The following GPC6 variants were observed in gnomAD, a reference collection of about 807,000 sequenced individuals.
GPC6 encodes glypican-6.
GPC6 carries 14 observed loss-of-function variants against 55.2 expected under a neutral mutation model. The ratio of observed to expected loss-of-function variants is 0.25; its 90% CI spans 0.17 to 0.40. The LOEUF is 0.40. Among genes scored for constraint, GPC6 ranks in the 10% least tolerant of loss-of-function variants. The probability of loss-of-function intolerance (pLI) is 1.00; values close to 1 mark genes in which losing one functional copy is unlikely to be tolerated. For missense variants in GPC6, 641 were observed against 708.5 expected, an observed-to-expected ratio of 0.90 and a Z score of 1.08; for synonymous variants, 278 against 259.6, an observed-to-expected ratio of 1.07 and a Z score of -0.68.
intron 2 of GPC6, among the ~76,000 whole-genome samples, chr13:93,722,041 A>G (rs1043377509): frequency 2.6e-5 from 4 of 151,974 alleles, no homozygotes; most frequent in Middle Eastern, 3.4e-3. Context: ...GACAATATAC[A>G]GCAGATAAAT....
At chr13:93,576,165 A>C (rs943342542) in intron 2 of GPC6, among the ~76,000 whole-genome samples, 3 of 151,548 alleles carry the variant, frequency 2.0e-5, no homozygotes, top group Non-Finnish European at 4.4e-5. Flanking sequence ...ATTTGTTGCT[A>C]TAGTGAGAGA....
intron 2 of GPC6, among the ~76,000 whole-genome samples, chr13:93,825,146 T>C (rs1370101794): frequency 6.6e-6 from 1 of 151,886 alleles, no homozygotes; most frequent in Non-Finnish European, 1.5e-5. Context: ...CAGGTGGGGG[T>C]AAGGAAGGGA....
chr13:93,544,619 C>G (rs1874673261), intron 1 of GPC6, among the ~76,000 whole-genome samples: 1 of 152,192 alleles, frequency 6.6e-6, no homozygotes, highest in South Asian at 2.1e-4. Flanking sequence ...GTAGATAGAT[C>G]TGTTGAATTA....
At chr13:93,604,561 A>ACCT (rs1878159140) in intron 2 of GPC6, among the ~76,000 whole-genome samples, 1 of 152,068 alleles carries the variant, frequency 6.6e-6, no homozygotes, top group East Asian at 1.9e-4. Flanking sequence ...ACAGTGAGGT[A>ACCT]CCTTTTTTTT....
At chr13:93,246,792 A>T (rs1876617576) in intron 1 of GPC6, among the ~76,000 whole-genome samples, 1 of 124,872 alleles carries the variant, frequency 8.0e-6, no homozygotes, top group Non-Finnish European at 1.8e-5. Flanking sequence ...ACTGTCTCAA[A>T]AAAAAAAAAA....
chr13:94,103,885 T>A (rs570686835), intron 4 of GPC6, among the ~76,000 whole-genome samples: 69 of 152,342 alleles, frequency 4.5e-4, no homozygotes, highest in Non-Finnish European at 8.8e-4. Flanking sequence ...CTCTTTAGTT[T>A]AACTAGATCC....
At chr13:93,501,918 C>T (rs1458107904) in intron 1 of GPC6, among the ~76,000 whole-genome samples, 1 of 152,008 alleles carries the variant, frequency 6.6e-6, no homozygotes, top group Non-Finnish European at 1.5e-5. Flanking sequence ...ACATTATATC[C>T]ATGTTTAATA....
At chr13:93,655,632 A>G (rs1395840054) in intron 2 of GPC6, among the ~76,000 whole-genome samples, 1 of 152,202 alleles carries the variant, frequency 6.6e-6, no homozygotes, top group Non-Finnish European at 1.5e-5. Context: ...CTTACCCTGA[A>G]AAATCTATGT....
intron 2 of GPC6, among the ~76,000 whole-genome samples, chr13:93,550,048 T>C (rs1184023935): frequency 6.6e-6 from 1 of 152,182 alleles, no homozygotes; most frequent in Non-Finnish European, 1.5e-5. Context: ...TCTACCCATA[T>C]CTTTGAGAAA....
intron 3 of GPC6, among the ~76,000 whole-genome samples, chr13:93,957,290 A>C (rs1215886581): frequency 6.6e-6 from 1 of 152,182 alleles, no homozygotes; most frequent in Non-Finnish European, 1.5e-5. Flanking sequence ...TAGGGGGTAC[A>C]CGTACAGGCT....
At chr13:94,278,439 C>T (rs540303086) in intron 4 of GPC6, among the ~76,000 whole-genome samples, 13 of 152,226 alleles carry the variant, frequency 8.5e-5, no homozygotes, top group African/African-American at 1.9e-4. Context: ...CTTTCTCCTG[C>T]CTAATTGCCC....
rs776431212 is a variant in GPC6, at chr13:93,980,921, C to A, written c.712-46808C>A. On this transcript the variant is annotated intron_variant, in intron 3 of 8. Transcript: ENST00000377047. ...TCCTAAGAGCACACCCTCAATAAATCACTTGCACAAGAATCCCCATCTCAG... is the reference window on the plus strand; with the variant it reads ...TCCTAAGAGCACACCCTCAATAAATAACTTGCACAAGAATCCCCATCTCAG... Among the ~76,000 whole-genome samples, 136 of 152,260 alleles carry A rather than the reference C, an allele frequency of 8.9e-4. 1 individual carries two copies. The highest frequency in any genetic ancestry group is 5.9e-4 in the Non-Finnish European group (40 of 68,024).
the GPC6 span, among the ~76,000 whole-genome samples, chr13:93,220,447 C>T: frequency 6.6e-6 from 1 of 152,274 alleles, no homozygotes; most frequent in South Asian, 2.1e-4. Context: ...GAATTTATAA[C>T]AAGTAAGACA....
intron 4 of GPC6, among the ~76,000 whole-genome samples, chr13:94,181,493 A>T (rs942133671): frequency 6.6e-6 from 1 of 152,234 alleles, no homozygotes; most frequent in African/African-American, 2.4e-5. Flanking sequence ...TAAAGAATCA[A>T]ATATTTAGAG....
At chr13:94,288,607 G>A (rs772480181) in intron 5 of GPC6, among the ~76,000 whole-genome samples, 11 of 149,530 alleles carry the variant, frequency 7.4e-5, no homozygotes, top group Admixed American at 2.0e-4. Context: ...AGCTCCTTGA[G>A]TATACTTGTA....
chr13:93,761,191 A>G (rs968100715), intron 2 of GPC6, among the ~76,000 whole-genome samples: 8 of 152,210 alleles, frequency 5.3e-5, no homozygotes, highest in African/African-American at 1.9e-4. Flanking sequence ...TAAAATTGTC[A>G]GTAAATAACT....
chr13:94,358,625 T>C (rs1420151494), intron 6 of GPC6, among the ~76,000 whole-genome samples: 2 of 152,138 alleles, frequency 1.3e-5, no homozygotes, highest in African/African-American at 4.8e-5. Flanking sequence ...TCAGGATGAG[T>C]TGGGGATACA....
chr13:94,178,915 AGCT>A (rs1314979116), intron 4 of GPC6, among the ~76,000 whole-genome samples: 1 of 152,236 alleles, frequency 6.6e-6, no homozygotes, highest in East Asian at 1.9e-4. Context: ...CCAGTACATC[AGCT>A]AAGCACTTTT....
intron 4 of GPC6, among the ~76,000 whole-genome samples, chr13:94,107,727 G>T (rs1032996390): frequency 3.3e-5 from 5 of 151,854 alleles, no homozygotes; most frequent in African/African-American, 1.2e-4. Flanking sequence ...AACAGGTTAA[G>T]GACATGAATA....
Sources: gnomAD v4.1 joint callset for allele counts (sites outside exome capture counted in the v4.1 genomes callset) on GRCh38, gnomAD v4.1.1 for gene constraint, MANE v1.5 for transcripts, NCBI Gene and HGNC (gene_info 2026-07-23, HGNC 2026-07-21) for gene names.